Variants in THSD7B observed in about 807,000 individuals in gnomAD.
The protein encoded by THSD7B is thrombospondin type-1 domain-containing protein 7B.
Under a neutral mutation model 213.6 loss-of-function variants are expected in THSD7B, and 138 were observed. The observed-to-expected ratio is 0.65, with a 90% CI of 0.56 to 0.74. The LOEUF (loss-of-function observed/expected upper bound fraction) is 0.74, where lower values mean the gene tolerates loss of function less well. Ranked by LOEUF, THSD7B falls within the 30% of genes least tolerant of loss-of-function variation. The probability of loss-of-function intolerance (pLI) is 0.00; values close to 1 mark genes in which losing one functional copy is unlikely to be tolerated. For missense variants in THSD7B, 1,931 were observed against 1,991.5 expected (o/e 0.97, Z 0.58); for synonymous variants, 742 against 687.0 (o/e 1.08, Z -1.25).
chr2:137,297,908 A>T (rs1317120420), intron 12 of THSD7B, among the ~76,000 whole-genome samples: 2 of 152,148 alleles, frequency 1.3e-5, no homozygotes, highest in Non-Finnish European at 2.9e-5. Context: ...CCAGTCTTGG[A>T]TATGTCTTTA....
intron 2 of THSD7B, among the ~76,000 whole-genome samples, chr2:136,966,278 C>T (rs1461718490): frequency 2.6e-5 from 4 of 151,854 alleles, no homozygotes; most frequent in Non-Finnish European, 5.9e-5. Context: ...AGTACCGTGG[C>T]ATGATTTTGG....
chr2:137,004,062 C>T (rs1686055240), intron 2 of THSD7B, among the ~76,000 whole-genome samples: 1 of 152,024 alleles, frequency 6.6e-6, no homozygotes, highest in African/African-American at 2.4e-5. Flanking sequence ...TCCAATGTTG[C>T]TTTAGGGTCT....
chr2:137,472,963 C>G (rs1688121408), intron 15 of THSD7B, among the ~76,000 whole-genome samples: 1 of 152,088 alleles, frequency 6.6e-6, no homozygotes, highest in South Asian at 2.1e-4. Context: ...AATATCACCA[C>G]AGATATTATT....
At chr2:137,229,186 T>C (rs914062533) in intron 7 of THSD7B, among the ~76,000 whole-genome samples, 2 of 152,204 alleles carry the variant, frequency 1.3e-5, no homozygotes, top group African/African-American at 4.8e-5. Flanking sequence ...CCCCTACAAA[T>C]ATCTTGTTCC....
intron 12 of THSD7B, among the ~76,000 whole-genome samples, chr2:137,291,237 C>A (rs920998411): frequency 3.3e-5 from 5 of 152,074 alleles, no homozygotes; most frequent in African/African-American, 1.2e-4. Context: ...CCTCATGTAT[C>A]TCTTTTTCCA....
At chr2:137,262,330 T>C (rs371504426) in intron 10 of THSD7B, among the ~76,000 whole-genome samples, 2 of 152,060 alleles carry the variant, frequency 1.3e-5, no homozygotes, top group African/African-American at 4.8e-5. Flanking sequence ...CTGTATCCCA[T>C]GCAGAATGGT....
At chr2:137,089,276 A>G (rs7572712) in intron 3 of THSD7B, among the ~76,000 whole-genome samples, 75 of 119,604 alleles carry the variant, frequency 6.3e-4, no homozygotes, top group South Asian at 1.4e-3. Flanking sequence ...GTGTGTGTGT[A>G]TATGTATATA....
chr2:137,553,080 C>T (rs1680881800), intron 15 of THSD7B, among the ~76,000 whole-genome samples: 1 of 152,120 alleles, frequency 6.6e-6, no homozygotes, highest in African/African-American at 2.4e-5. Flanking sequence ...GAGACCATTT[C>T]CCCTAACATT....
chr2:137,646,990 A>T (rs2104866739), intron 21 of THSD7B, among the ~76,000 whole-genome samples: 1 of 152,220 alleles, frequency 6.6e-6, no homozygotes, highest in South Asian at 2.1e-4. Flanking sequence ...TATGTTAAGA[A>T]GCTTTATGAG....
intron 4 of THSD7B, among the ~76,000 whole-genome samples, chr2:137,108,764 G>A (rs919036454): frequency 6.6e-6 from 1 of 152,170 alleles, no homozygotes; most frequent in Non-Finnish European, 1.5e-5. Context: ...CATTTCCTGA[G>A]TAGACTTAAA....
chr2:137,475,299 C>T (rs1248912025), intron 15 of THSD7B, among the ~76,000 whole-genome samples: 1 of 152,096 alleles, frequency 6.6e-6, no homozygotes, highest in Non-Finnish European at 1.5e-5. Flanking sequence ...TTAGGGTATC[C>T]ATTGCCTCAA....
intron 15 of THSD7B, among the ~76,000 whole-genome samples, chr2:137,483,011 A>T (rs1422154337): frequency 6.6e-6 from 1 of 151,780 alleles, no homozygotes; most frequent in Non-Finnish European, 1.5e-5. Flanking sequence ...TAAGTGATAG[A>T]AGTCATGACC....
chr2:137,202,841 CTA>C (rs1175615085), intron 7 of THSD7B, among the ~76,000 whole-genome samples: 1 of 152,012 alleles, frequency 6.6e-6, no homozygotes, highest in African/African-American at 2.4e-5. Context: ...AGCAGTTTTC[CTA>C]TGTCTTGATA....
intron 27 of THSD7B, among the ~76,000 whole-genome samples, chr2:137,669,984 TTA>T (rs148613452): frequency 2.0e-5 from 3 of 151,698 alleles, no homozygotes; most frequent in Non-Finnish European, 2.9e-5. Context: ...TCTAGAGCAT[TTA>T]TATATATATA....
At position 137,064,855 on chromosome 2, in the gene THSD7B, A is replaced by G. The variant is rs192389017; in HGVS notation, c.950+7625A>G. ...ATTTCTGGGTTCTCTACTCTGTTCC[A>G]GTGATGTGTATGTCTGCTTTTATGG... On this transcript the variant is annotated intron_variant, in intron 3 of 27. Transcript: ENST00000409968. Among the ~76,000 whole-genome samples the G allele has an allele frequency of 1.1e-4, 17 of 151,938 alleles. No homozygotes were observed. In the East Asian group the frequency reaches 1.9e-3, roughly 17 times the overall value.
intron 12 of THSD7B, among the ~76,000 whole-genome samples, chr2:137,302,366 A>G (rs1322248633): frequency 2.6e-5 from 4 of 152,112 alleles, no homozygotes; most frequent in African/African-American, 9.7e-5. Context: ...CAAGAGAAGG[A>G]AATGTTTCCA....
At chr2:136,914,763 C>CT (rs942478322) in intron 2 of THSD7B, among the ~76,000 whole-genome samples, 4 of 152,032 alleles carry the variant, frequency 2.6e-5, no homozygotes, top group Non-Finnish European at 4.4e-5. Flanking sequence ...AATTAAACTT[C>CT]TTTTTTTTCC....
intron 16 of THSD7B, 94 bp downstream of exon 16, chr2:137,563,448 G>C (rs17742691): frequency 0.11 from 157,988 of 1,457,188 alleles, 10,316 homozygotes; most frequent in Non-Finnish European, 0.13. Flanking sequence ...AGTACACTCT[G>C]ATTTTCATAA....
intron 7 of THSD7B, among the ~76,000 whole-genome samples, chr2:137,207,569 A>T (rs1681013004): frequency 6.6e-6 from 1 of 152,130 alleles, no homozygotes; most frequent in Non-Finnish European, 1.5e-5. Flanking sequence ...GGAGCTTAAA[A>T]GCAGGTAGAA....
Sources: allele counts gnomAD v4.1 joint callset (sites outside exome capture counted in the v4.1 genomes callset), GRCh38; gene constraint gnomAD v4.1.1; transcripts MANE v1.5; gene names NCBI Gene and HGNC (gene_info 2026-07-23, HGNC 2026-07-21).